Variants in VWA8 observed in about 807,000 individuals in gnomAD.
VWA8 encodes the protein von Willebrand factor A domain containing 8, also known as von Willebrand factor A domain-containing protein 8.
A neutral mutation model predicts 241.5 loss-of-function variants in VWA8; 221 were observed. The ratio of observed to expected loss-of-function variants is 0.91; its 90% confidence interval spans 0.82 to 1.02. The LOEUF (loss-of-function observed/expected upper bound fraction) is 1.02, where lower values mean the gene tolerates loss of function less well. Among genes scored for constraint, VWA8 ranks in the 50% least tolerant of loss-of-function variants. The pLI, the probability that VWA8 is intolerant of heterozygous loss-of-function variation, is 0.00. For missense variants in VWA8, 2,322 were observed against 2,328.7 expected, an observed-to-expected ratio of 1.00 and a Z score of 0.06; for synonymous variants, 852 against 827.1, an observed-to-expected ratio of 1.03 and a Z score of -0.52.
chr13:41,692,910 G>T lies in VWA8; in HGVS notation c.3627C>A (p.Ser1209=), dbSNP rs374980920. ...GRALHRLILP[S]EKFTSKKPFW... is the part of the protein sequence containing the mutation. ...AAGGTTTCTTAGATGTAAACTTCTC[G>T]GAAGGGAGGATGAGACGATGAAGGG... Residue 1209 remains serine (S), a synonymous_variant, in exon 30 of 45, where the codon TCC becomes TCA. Coordinates refer to ENST00000379310, the MANE Select transcript of VWA8 (RefSeq NM_015058.2). 3.1e-6 allele frequency: 5 copies of T among 1,611,302 alleles called. No individual in the cohort carries two copies. Among genetic ancestry groups the T allele is most frequent in the Non-Finnish European group, 4.2e-6 (5 of 1,178,344 alleles).
intron 12 of VWA8, among the ~76,000 whole-genome samples, chr13:41,837,035 TGATAGATAGATAGATAGATAGATA>T (rs67765155): frequency 6.1e-5 from 9 of 148,578 alleles, no homozygotes; most frequent in Admixed American, 4.1e-4. Context: ...TGCAGATAGA[TGATAGATAGATAGATAGATAGATA>T]GATAGATAGA....
At chr13:41,779,597 A>G (rs1593766915) in intron 19 of VWA8, among the ~76,000 whole-genome samples, 1 of 152,212 alleles carries the variant, frequency 6.6e-6, no homozygotes, top group East Asian at 1.9e-4. Context: ...AACTATGTTA[A>G]GCAAACCAAG....
intron 9 of VWA8, among the ~76,000 whole-genome samples, chr13:41,881,755 G>C (rs1265448913): frequency 6.9e-6 from 1 of 145,330 alleles, no homozygotes; most frequent in African/African-American, 2.5e-5. Flanking sequence ...CCTCCTGGAC[G>C]GGGCGACTGG....
At chr13:41,833,239 A>C in intron 13 of VWA8, 132 bp downstream of exon 13, 1 of 1,076,456 alleles carries the variant, frequency 9.3e-7, no homozygotes, top group Non-Finnish European at 1.2e-6. Flanking sequence ...TCTACTTGGT[A>C]TAGAATCATG....
chr13:41,865,345 T>C, intron 12 of VWA8: 1 of 386,422 alleles, frequency 2.6e-6, no homozygotes. Context: ...CTACTAGCTA[T>C]TTTAAAATAT....
intron 40 of VWA8, 133 bp downstream of exon 40, chr13:41,605,035 T>C (rs2044544144): frequency 1.3e-6 from 1 of 752,810 alleles, no homozygotes; most frequent in East Asian, 2.7e-5. Context: ...AGTCCAGTTT[T>C]ATGCAGACAT....
intron 9 of VWA8, 42 bp from the exon 10 acceptor site, chr13:41,868,519 T>A: frequency 6.3e-7 from 1 of 1,588,158 alleles, no homozygotes; most frequent in Non-Finnish European, 8.6e-7. Context: ...CTTTTCATTT[T>A]AGCATTAACA....
At chr13:41,596,546 GAAGTA>G (rs901071543) in intron 40 of VWA8, among the ~76,000 whole-genome samples, 1 of 151,958 alleles carries the variant, frequency 6.6e-6, no homozygotes, top group Non-Finnish European at 1.5e-5. Context: ...CCTATTGCAT[GAAGTA>G]AAGTATCCCT....
chr13:41,955,237 T>A (rs1208935095), intron 1 of VWA8, among the ~76,000 whole-genome samples: 1 of 152,160 alleles, frequency 6.6e-6, no homozygotes, highest in Non-Finnish European at 1.5e-5. Context: ...ACAGGTAACA[T>A]AATTTAGGCA....
chr13:41,859,197 C>T (rs1404019386), intron 12 of VWA8, among the ~76,000 whole-genome samples: 2 of 150,584 alleles, frequency 1.3e-5, no homozygotes, highest in African/African-American at 2.4e-5. Flanking sequence ...GAGAAAAGCA[C>T]GAAGTCAAGG....
intron 2 of VWA8, among the ~76,000 whole-genome samples, chr13:41,949,303 T>C (rs1179217443): frequency 6.6e-6 from 1 of 152,024 alleles, no homozygotes; most frequent in African/African-American, 2.4e-5. Flanking sequence ...CCATAAAAAA[T>C]GATGAGTTCA....
intron 37 of VWA8, among the ~76,000 whole-genome samples, chr13:41,657,740 C>T (rs951277552): frequency 6.6e-6 from 1 of 152,184 alleles, no homozygotes. Flanking sequence ...CTACCCGCCT[C>T]GGCCTCCCAA....
At chr13:41,707,932 T>G (rs2045292555) in intron 26 of VWA8, among the ~76,000 whole-genome samples, 1 of 152,130 alleles carries the variant, frequency 6.6e-6, no homozygotes, top group Admixed American at 6.5e-5. Flanking sequence ...CCACATAAAT[T>G]TATACATACA....
chr13:41,593,677 T>G (rs2044471091), intron 40 of VWA8, among the ~76,000 whole-genome samples: 1 of 152,226 alleles, frequency 6.6e-6, no homozygotes, highest in Non-Finnish European at 1.5e-5. Flanking sequence ...GGATGACCAT[T>G]TATGTACCTT....
intron 9 of VWA8, among the ~76,000 whole-genome samples, chr13:41,877,876 A>G (rs577286651): frequency 1.3e-5 from 2 of 152,222 alleles, no homozygotes; most frequent in South Asian, 4.1e-4. Flanking sequence ...GTATTTCATG[A>G]CTACAGAAAC....
chr13:41,727,727 C>G (rs891390647), intron 23 of VWA8, among the ~76,000 whole-genome samples: 3 of 152,096 alleles, frequency 2.0e-5, no homozygotes, highest in African/African-American at 7.2e-5. Context: ...TAACCTCATC[C>G]TTTTGCATAG....
intron 40 of VWA8, among the ~76,000 whole-genome samples, chr13:41,601,928 T>G (rs2044524573): frequency 6.6e-6 from 1 of 152,124 alleles, no homozygotes; most frequent in African/African-American, 2.4e-5. Flanking sequence ...CCAAACTTTG[T>G]GCCGTTCACC....
chr13:41,705,005 A>G (rs377385510), intron 26 of VWA8, among the ~76,000 whole-genome samples: 11 of 152,338 alleles, frequency 7.2e-5, no homozygotes, highest in African/African-American at 2.6e-4. Flanking sequence ...CATATGCTTA[A>G]TAAGATCATG....
At chr13:41,873,922 G>A (rs1056565754) in intron 9 of VWA8, among the ~76,000 whole-genome samples, 23 of 152,154 alleles carry the variant, frequency 1.5e-4, no homozygotes, top group Non-Finnish European at 1.2e-4. Flanking sequence ...GAACATTGAT[G>A]CAAAAATCCT....
Sources: allele counts gnomAD v4.1 joint callset (sites outside exome capture counted in the v4.1 genomes callset), GRCh38; gene constraint gnomAD v4.1.1; transcripts MANE v1.5; gene names NCBI Gene and HGNC (gene_info 2026-07-23, HGNC 2026-07-21).